The following GBE1 variants were observed in gnomAD, a reference collection of about 807,000 sequenced individuals.
The protein encoded by GBE1 is 1,4-alpha-glucan-branching enzyme.
Under a neutral mutation model 88.8 loss-of-function variants are expected in GBE1, and 70 were observed. The observed-to-expected ratio is 0.79, with a 90% CI of 0.65 to 0.96. The LOEUF (loss-of-function observed/expected upper bound fraction) is 0.96, where lower values mean the gene tolerates loss of function less well. GBE1 is among the 40% of genes least tolerant of loss of function. GBE1 has a pLI of 0.00. For synonymous variants in GBE1, 284 were observed against 300.1 expected, an observed-to-expected ratio of 0.95 and a Z score of 0.56; for missense variants, 872 against 871.0, an observed-to-expected ratio of 1.00 and a Z score of -0.01.
At chr3:81,543,963 G>C (rs568605433) in intron 12 of GBE1, among the ~76,000 whole-genome samples, 10 of 152,180 alleles carry the variant, frequency 6.6e-5, no homozygotes, top group Admixed American at 2.0e-4. Flanking sequence ...TTCACAACTT[G>C]GGGCTCATGC....
At chr3:81,705,271 A>T (rs1705757948) in intron 2 of GBE1, among the ~76,000 whole-genome samples, 173 bp downstream of exon 2, 1 of 152,148 alleles carries the variant, frequency 6.6e-6, no homozygotes, top group Non-Finnish European at 1.5e-5. Flanking sequence ...ATTATAACAG[A>T]AACAGCTGCA....
chr3:81,639,266 G>GT (rs557145144), intron 7 of GBE1, among the ~76,000 whole-genome samples: 7 of 151,676 alleles, frequency 4.6e-5, no homozygotes, highest in Admixed American at 2.0e-4. Flanking sequence ...TTCAAATATA[G>GT]TTTTTTTATT....
At chr3:81,661,148 A>C (rs961325765) in intron 3 of GBE1, among the ~76,000 whole-genome samples, 6 of 152,174 alleles carry the variant, frequency 3.9e-5, no homozygotes, top group African/African-American at 1.4e-4. Flanking sequence ...TCTAAAAAAA[A>C]TGTGAGAAAG....
At chr3:81,503,266 A>C (rs936385091) in intron 14 of GBE1, among the ~76,000 whole-genome samples, 4 of 152,198 alleles carry the variant, frequency 2.6e-5, no homozygotes, top group Admixed American at 2.0e-4. Context: ...AACATGCGTA[A>C]ATAGAGCAAA....
At chr3:81,642,076 TC>T (rs1704689892) in intron 7 of GBE1, among the ~76,000 whole-genome samples, 1 of 151,792 alleles carries the variant, frequency 6.6e-6, no homozygotes. Flanking sequence ...TTTTAACTTG[TC>T]TTTTTAATTT....
chr3:81,665,151 T>C (rs1705093260), intron 3 of GBE1, among the ~76,000 whole-genome samples: 1 of 152,196 alleles, frequency 6.6e-6, no homozygotes, highest in Non-Finnish European at 1.5e-5. Context: ...GAAGTAGTGT[T>C]TCTAACCTCT....
intron 12 of GBE1, among the ~76,000 whole-genome samples, chr3:81,537,839 C>T (rs9854820): frequency 0.064 from 9,725 of 151,846 alleles, 523 homozygotes; most frequent in African/African-American, 0.14. Flanking sequence ...TAGCTGAGAC[C>T]CCTGGCTGGG....
chr3:81,612,321 A>C, intron 7 of GBE1: 1 of 855,054 alleles, frequency 1.2e-6, no homozygotes, highest in Non-Finnish European at 1.9e-6. Context: ...TGTTTCGTCA[A>C]ATCCATTCCA....
At chr3:81,662,501 A>C (rs1705045556) in intron 3 of GBE1, among the ~76,000 whole-genome samples, 1 of 152,050 alleles carries the variant, frequency 6.6e-6, no homozygotes, top group Non-Finnish European at 1.5e-5. Flanking sequence ...ACTTATGAAA[A>C]AGTTTCCACT....
chr3:81,595,833 T>C (rs1703948745), intron 7 of GBE1, among the ~76,000 whole-genome samples: 3 of 151,986 alleles, frequency 2.0e-5, no homozygotes, highest in Non-Finnish European at 4.4e-5. Context: ...TGGGAATAAC[T>C]ATGTTAGTAG....
At position 81,586,143 on chromosome 3, in the gene GBE1, C is replaced by T. The variant is rs1042856824; in HGVS notation, c.1284G>A (p.Gly428=). 11 of 1,609,968 alleles carry T rather than the reference C, an allele frequency of 6.8e-6. No individual in the cohort carries two copies. Among genetic ancestry groups the T allele is most frequent in the Non-Finnish European group, 9.3e-6 (11 of 1,178,472 alleles). The change falls in exon 10 of 16, where the codon GGG becomes GGA. Residue 428 remains glycine (G), a synonymous_variant. Transcript: ENST00000429644. ...TGGCTAGTCGATAGTCAAAACCACC[C>T]CCTCCCTGGGAAATTGGAGAGCACA... The part of the protein sequence containing the change: ...PALCSPISQG[G]GGFDYRLAMA...
At chr3:81,683,042 G>A (rs1705374381) in intron 2 of GBE1, among the ~76,000 whole-genome samples, 1 of 152,156 alleles carries the variant, frequency 6.6e-6, no homozygotes, top group Non-Finnish European at 1.5e-5. Flanking sequence ...AACACCAGCA[G>A]ATTCATAGAC....
chr3:81,737,339 ATATT>A (rs1293390083), intron 1 of GBE1, among the ~76,000 whole-genome samples: 1,757 of 89,000 alleles, frequency 0.02, 39 homozygotes, highest in African/African-American at 0.064. Context: ...ATTTTTATAT[ATATT>A]TATATAAATA....
At position 81,490,197 on chromosome 3, in the gene GBE1, G is replaced by A; in HGVS notation, c.*210C>T. 1 of 542,094 alleles carries A rather than the reference G, an allele frequency of 1.8e-6. No individual in the cohort carries two copies. Among genetic ancestry groups the A allele is most frequent in the Non-Finnish European group, 3.2e-6 (1 of 310,956 alleles). 33.6% of individuals were successfully genotyped at this position (542,094 alleles called of 1,614,324 possible). On this transcript the variant is annotated 3_prime_UTR_variant, in exon 16 of 16. Coordinates refer to ENST00000429644, the MANE Select transcript of GBE1 (RefSeq NM_000158.4). ...GCTGCTAAGATGACTTGAAAATATG[G>A]TCTAGGATTCCTAATATTTTAAACA...
At chr3:81,695,761 C>T (rs1185303376) in intron 2 of GBE1, among the ~76,000 whole-genome samples, 1 of 152,056 alleles carries the variant, frequency 6.6e-6, no homozygotes, top group Admixed American at 6.6e-5. Flanking sequence ...ACTTATGTGT[C>T]CATGGTTGTT....
intron 14 of GBE1, among the ~76,000 whole-genome samples, chr3:81,524,328 T>A (rs774765890): frequency 6.6e-6 from 1 of 151,908 alleles, no homozygotes; most frequent in South Asian, 2.1e-4. Context: ...TGCCCATTTT[T>A]AAATAAGATT....
chr3:81,694,896 T>C lies in GBE1; in HGVS notation c.313+10548A>G, dbSNP rs534945113. On this transcript the variant is annotated intron_variant, in intron 2 of 15. Transcript: ENST00000429644. Reference sequence around the variant, plus strand: ...AAGGACGTCAAAAAGACCTCAGGCTTCATTATAATCTCATTTCCATGCTAA... The same window carrying C: ...AAGGACGTCAAAAAGACCTCAGGCTCCATTATAATCTCATTTCCATGCTAA... Among the ~76,000 whole-genome samples the C allele has an allele frequency of 9.2e-5, 14 of 152,170 alleles. No individual in the cohort carries two copies. The East Asian group carries it at 2.7e-3, about 30-fold the overall frequency.
chr3:81,622,964 A>T (rs1021185453), intron 7 of GBE1, among the ~76,000 whole-genome samples: 3 of 152,132 alleles, frequency 2.0e-5, no homozygotes, highest in Non-Finnish European at 2.9e-5. Flanking sequence ...AAATATCTTA[A>T]ATCTGCCCAC....
intron 7 of GBE1, among the ~76,000 whole-genome samples, chr3:81,623,532 T>G (rs891154832): frequency 6.6e-6 from 1 of 152,220 alleles, no homozygotes; most frequent in Non-Finnish European, 1.5e-5. Context: ...TGAGGGTTGG[T>G]GTCTTATCTG....
Sources: allele counts gnomAD v4.1 joint callset (sites outside exome capture counted in the v4.1 genomes callset), GRCh38; gene constraint gnomAD v4.1.1; transcripts MANE v1.5; gene names NCBI Gene and HGNC (gene_info 2026-07-23, HGNC 2026-07-21).